The following TAF12 variants were observed in gnomAD, a reference collection of about 807,000 sequenced individuals.
TAF12 encodes transcription initiation factor TFIID subunit 12.
Under a neutral mutation model 20.8 loss-of-function variants are expected in TAF12, and 3 were observed. The observed-to-expected ratio is 0.14, with a 90% CI of 0.07 to 0.37. TAF12 has a LOEUF of 0.37. TAF12 is among the 10% of genes least tolerant of loss of function. The probability of loss-of-function intolerance (pLI) is 1.00; values close to 1 mark genes in which losing one functional copy is unlikely to be tolerated. For synonymous variants in TAF12, 69 were observed against 70.2 expected (o/e 0.98, Z 0.09); for missense variants, 131 against 197.9 (o/e 0.66, Z 2.03).
intron 1 of TAF12, among the ~76,000 whole-genome samples, chr1:28,628,098 A>G (rs1460135933): frequency 6.6e-6 from 1 of 152,004 alleles, no homozygotes; most frequent in East Asian, 1.9e-4. Context: ...GCTTCCCAGG[A>G]AAAACACTGT....
chr1:28,631,674 T>C (rs1291155003), intron 1 of TAF12, among the ~76,000 whole-genome samples: 3 of 152,194 alleles, frequency 2.0e-5, no homozygotes, highest in Non-Finnish European at 2.9e-5. Context: ...TTTATTTATT[T>C]ATTTTAAAGG....
intron 1 of TAF12, among the ~76,000 whole-genome samples, chr1:28,638,774 C>T (rs1276632800): frequency 2.0e-5 from 3 of 150,652 alleles, no homozygotes; most frequent in Non-Finnish European, 4.4e-5. Context: ...GCATGAGCCA[C>T]CTCACCTGGC....
At chr1:28,605,306 A>G (rs1484802191) in intron 5 of TAF12, 66 bp downstream of exon 5, 2 of 1,537,698 alleles carry the variant, frequency 1.3e-6, no homozygotes, top group African/African-American at 2.7e-5. Context: ...AGCTGTGTGT[A>G]TCCACTCTGA....
intron 1 of TAF12, among the ~76,000 whole-genome samples, chr1:28,625,022 A>G (rs1159817714): frequency 2.0e-5 from 3 of 152,176 alleles, no homozygotes; most frequent in Non-Finnish European, 2.9e-5. Context: ...AGCTGTTCTA[A>G]TATTATAAAA....
chr1:28,606,992 C>T (rs1437143152), intron 4 of TAF12, among the ~76,000 whole-genome samples: 3 of 152,224 alleles, frequency 2.0e-5, no homozygotes, highest in East Asian at 3.8e-4. Flanking sequence ...ACCACAGTTC[C>T]ATGACCTGGT....
intron 1 of TAF12, among the ~76,000 whole-genome samples, chr1:28,624,618 G>A (rs990795458): frequency 1.3e-5 from 2 of 151,936 alleles, no homozygotes; most frequent in African/African-American, 2.4e-5. Context: ...ATGGTGGCAC[G>A]TGCCTGTAAT....
At chr1:28,619,676 T>C (rs899830049) in intron 2 of TAF12, among the ~76,000 whole-genome samples, 3 of 104,420 alleles carry the variant, frequency 2.9e-5, no homozygotes, top group Non-Finnish European at 5.6e-5. Flanking sequence ...AAAAGCCGGG[T>C]ACGGTGGCTC....
At chr1:28,645,378 C>T (rs545210622), upstream of TAF12, among the ~76,000 whole-genome samples, 23 of 150,348 alleles carry the variant, frequency 1.5e-4, 1 homozygote, top group South Asian at 4.9e-3. Context: ...GACTGGACAC[C>T]CTGGCTCACG....
intron 1 of TAF12, chr1:28,623,854 T>G: frequency 1.9e-6 from 1 of 538,850 alleles, no homozygotes; most frequent in Non-Finnish European, 2.4e-6. Flanking sequence ...CTTAGAGTCA[T>G]GAGGCTGACT....
At chr1:28,610,968 A>AC (rs1416041360) in intron 4 of TAF12, among the ~76,000 whole-genome samples, 2 of 125,150 alleles carry the variant, frequency 1.6e-5, no homozygotes, top group East Asian at 4.2e-4. Flanking sequence ...AAAAAAAAAA[A>AC]AAAAAAAAAA....
At chr1:28,628,454 C>T (rs913839229) in intron 1 of TAF12, among the ~76,000 whole-genome samples, 3 of 151,752 alleles carry the variant, frequency 2.0e-5, no homozygotes, top group African/African-American at 7.3e-5. Flanking sequence ...AACCCATAGA[C>T]AGAAAGTAGA....
intron 1 of TAF12, among the ~76,000 whole-genome samples, chr1:28,636,768 T>C (rs571416367): frequency 1.3e-5 from 2 of 151,386 alleles, no homozygotes; most frequent in Non-Finnish European, 2.9e-5. Context: ...ACCACTGCAC[T>C]CCAACGTGGG....
intron 1 of TAF12, among the ~76,000 whole-genome samples, chr1:28,624,769 AT>A (rs934298048): frequency 2.5e-4 from 38 of 151,840 alleles, no homozygotes; most frequent in African/African-American, 7.0e-4. Context: ...AAATAAAAAA[AT>A]AAATAATAAT....
At chr1:28,645,761 A>G (rs1334862925), upstream of TAF12, among the ~76,000 whole-genome samples, 2 of 152,090 alleles carry the variant, frequency 1.3e-5, no homozygotes, top group Non-Finnish European at 2.9e-5. Flanking sequence ...ACTTGAGGTT[A>G]GGAGTTTGAG....
At chr1:28,639,917 T>C (rs1025497227) in intron 1 of TAF12, among the ~76,000 whole-genome samples, 5 of 152,098 alleles carry the variant, frequency 3.3e-5, no homozygotes, top group African/African-American at 9.7e-5. Context: ...TCTCGGCTCA[T>C]TGAACCTCCA....
chr1:28,605,616 CT>C (rs1291063098), intron 4 of TAF12, among the ~76,000 whole-genome samples, 156 bp from the exon 5 acceptor site: 1 of 152,128 alleles, frequency 6.6e-6, no homozygotes, highest in African/African-American at 2.4e-5. Flanking sequence ...GACATGGCTT[CT>C]CCAAGGTTTT....
chr1:28,630,951 C>CA (rs571964885), intron 1 of TAF12, among the ~76,000 whole-genome samples: 94 of 146,098 alleles, frequency 6.4e-4, no homozygotes, highest in African/African-American at 2.3e-3. Context: ...GAGGCTGAGG[C>CA]AGAGAAGTAC....
In TAF12 at chr1:28,623,617, C is replaced by T. The variant is rs182623561; in HGVS notation, c.-84-1452G>A. ...AATGTTAAATTCAAATAAGTCATAG[C>T]ACAATCACATCCTTTAAAAAAATCA... On this transcript the variant is annotated intron_variant, in intron 1 of 5. Transcript: ENST00000373824. Among the ~76,000 whole-genome samples, 204 of 152,236 alleles carry T rather than the reference C, an allele frequency of 1.3e-3. 2 individuals carry two copies. Among genetic ancestry groups the T allele is most frequent in the Admixed American group, 3.3e-3 (51 of 15,270 alleles).
intron 3 of TAF12, among the ~76,000 whole-genome samples, chr1:28,614,169 C>T (rs1406345340): frequency 6.6e-6 from 1 of 151,982 alleles, no homozygotes; most frequent in South Asian, 2.1e-4. Context: ...ACCTGGGAGG[C>T]GGAGGTTGCA....
Sources: allele counts gnomAD v4.1 joint callset (sites outside exome capture counted in the v4.1 genomes callset), GRCh38; gene constraint gnomAD v4.1.1; transcripts MANE v1.5; gene names NCBI Gene and HGNC (gene_info 2026-07-23, HGNC 2026-07-21).